Variants in FARP1 observed in about 807,000 individuals in gnomAD.
The protein encoded by FARP1 is FERM, ARHGEF and pleckstrin domain-containing protein 1.
A neutral mutation model predicts 128.8 loss-of-function variants in FARP1; 52 were observed. The ratio of observed to expected loss-of-function variants is 0.40; its 90% CI spans 0.32 to 0.51. The LOEUF (loss-of-function observed/expected upper bound fraction) is 0.51, where lower values mean the gene tolerates loss of function less well. Ranked by LOEUF, FARP1 falls within the 20% of genes least tolerant of loss-of-function variation. FARP1 has a pLI of 0.45. For synonymous variants in FARP1, 580 were observed against 551.8 expected (o/e 1.05, Z -0.72); for missense variants, 1,333 against 1,367.9 (o/e 0.97, Z 0.40).
chr13:98,310,883 G>A (rs1414406408), intron 2 of FARP1, among the ~76,000 whole-genome samples: 1 of 152,136 alleles, frequency 6.6e-6, no homozygotes, highest in Non-Finnish European at 1.5e-5. Flanking sequence ...CTTTGGAAAT[G>A]CAGGGTCAGA....
intron 2 of FARP1, among the ~76,000 whole-genome samples, chr13:98,231,159 C>T (rs1882089738): frequency 6.6e-6 from 1 of 152,134 alleles, no homozygotes; most frequent in Admixed American, 6.5e-5. Flanking sequence ...CAAATCATAT[C>T]AGCAGGGAAT....
rs549979587 is a variant in FARP1 at position 98,448,276 on chromosome 13, C to T, written c.3097C>T (p.Arg1033Ter). 1.4e-5 allele frequency: 23 copies of T among 1,614,084 alleles called. No individual in the cohort carries two copies. The highest frequency in any genetic ancestry group is 8.9e-5 in the East Asian group (4 of 44,884). The change falls in exon 27 of 27, where the codon CGA becomes TGA. Residue 1033 changes from arginine to a stop codon, truncating the protein, a stop_gained. Coordinates refer to ENST00000319562, the MANE Select transcript of FARP1 (RefSeq NM_005766.4). LOFTEE classifies it high-confidence loss of function. ...CCGCAGTGCCACCAGCTCTGCCTCG[C>T]GACCCCACGTGTTGAGTCACAAAGA... ...VIRSATSSAS[R>*]PHVLSHKESL...
At position 98,377,917 on chromosome 13, in the gene FARP1, A is replaced by G. The variant is rs1566933360; in HGVS notation, c.495A>G (p.Gln165=). ...SAALLISHIV[Q]SEIGDFDEAL... is the part of the protein sequence containing the mutation. Reference sequence around the variant, plus strand: ...CTCTCTTGATTTCACACATTGTGCAATGTAAGTTCTATTGGTTTCCTTTGA... The same window carrying G: ...CTCTCTTGATTTCACACATTGTGCAGTGTAAGTTCTATTGGTTTCCTTTGA... Residue 165 remains glutamine, a splice_region_variant and synonymous_variant, in exon 6 of 27, where the codon CAA becomes CAG. Transcript: ENST00000319562. 2 of 1,604,328 alleles carry G rather than the reference A, an allele frequency of 1.2e-6. No individual in the cohort carries two copies. The highest frequency in any genetic ancestry group is 1.7e-6 in the Non-Finnish European group (2 of 1,171,184).
intron 1 of FARP1, among the ~76,000 whole-genome samples, chr13:98,161,474 T>C (rs1184539188): frequency 1.3e-5 from 2 of 151,878 alleles, no homozygotes; most frequent in Non-Finnish European, 2.9e-5. Flanking sequence ...GCCTCGGCCT[T>C]CCAAAGTGCT....
At chr13:98,316,732 G>A (rs1333252351) in intron 2 of FARP1, among the ~76,000 whole-genome samples, 1 of 152,230 alleles carries the variant, frequency 6.6e-6, no homozygotes, top group African/African-American at 2.4e-5. Flanking sequence ...GTCATGGGGA[G>A]ATTTTGCCGA....
intron 2 of FARP1, among the ~76,000 whole-genome samples, chr13:98,273,165 T>C (rs571094753): frequency 6.6e-6 from 1 of 152,298 alleles, no homozygotes; most frequent in African/African-American, 2.4e-5. Context: ...CAGGGGCTTA[T>C]AGGTGGATTC....
chr13:98,280,442 C>T (rs1371960045), intron 2 of FARP1, among the ~76,000 whole-genome samples: 3 of 152,210 alleles, frequency 2.0e-5, no homozygotes, highest in Non-Finnish European at 4.4e-5. Context: ...ATGTCTTGGC[C>T]GAGAAGACCC....
At chr13:98,407,242 A>C (rs567546470) in intron 13 of FARP1, 3 of 152,686 alleles carry the variant, frequency 2.0e-5, no homozygotes, top group Admixed American at 2.0e-4. Flanking sequence ...CAACTCTCCA[A>C]CAGCAACTCA....
intron 2 of FARP1, among the ~76,000 whole-genome samples, chr13:98,239,396 G>T (rs572090831): frequency 3.3e-4 from 51 of 152,268 alleles, no homozygotes; most frequent in African/African-American, 1.2e-3. Context: ...AGCTCTTTGG[G>T]CCTGAGTTTC....
chr13:98,187,402 G>C lies in FARP1; in HGVS notation c.-23-25818G>C, dbSNP rs541721457. On this transcript the variant is annotated intron_variant, in intron 1 of 26. Coordinates refer to ENST00000319562, the MANE Select transcript of FARP1 (RefSeq NM_005766.4). ...TCAGAAGAGAAACACAAGATGCTTT[G>C]AGCTCCCAAATAGAGGGGAATGGAA... 2.0e-5 allele frequency among the ~76,000 whole-genome samples: 3 copies of C among 152,280 alleles called. No individual in the cohort carries two copies. The East Asian group carries it at 5.8e-4, about 29-fold the overall frequency.
chr13:98,263,989 C>A (rs1197411267), intron 2 of FARP1, among the ~76,000 whole-genome samples: 1 of 152,192 alleles, frequency 6.6e-6, no homozygotes, highest in African/African-American at 2.4e-5. Flanking sequence ...GCACAAATCA[C>A]CTTCCATTGT....
In FARP1 at chr13:98,379,066, AATATATGTAATATGTAATCTATATATAAT is replaced by A. The variant is rs1217935697; in HGVS notation, c.496+1155_496+1183del. 5.3e-4 allele frequency among the ~76,000 whole-genome samples: 43 copies of A among 81,244 alleles called. 10 individuals are homozygous for A. The South Asian group carries it at 0.014, about 26-fold the overall frequency. The allele number at this position is 81,244 out of a possible 152,430, so 53.3% of individuals were successfully genotyped here. A position where few individuals can be genotyped will look rare whatever the true frequency, so the allele number is the denominator to read the frequency against. On this transcript the variant is annotated intron_variant, in intron 6 of 26. Transcript: ENST00000319562. ...AATATGTAATCTATATATAATATAT[AATATATGTAATATGTAATCTATATATAAT>A]ATATATATAATATATAATCTATATA...
chr13:98,451,673 G>A lies in FARP1; in HGVS notation c.*3356G>A, dbSNP rs1893199009. ...TAACTTCCTTGCTTCCAAAAATCCTGTCTTAACTCCACAAGAACTGGCACA... is the reference window on the plus strand; with the variant it reads ...TAACTTCCTTGCTTCCAAAAATCCTATCTTAACTCCACAAGAACTGGCACA... On this transcript the variant is annotated 3_prime_UTR_variant, in exon 27 of 27. Transcript: ENST00000319562. The A allele has an allele frequency of 6.6e-6, 1 of 152,184 alleles. No homozygotes were observed. The highest frequency in any genetic ancestry group is 6.5e-5 in the Admixed American group (1 of 15,274). 9.4% of individuals were successfully genotyped at this position (152,184 alleles called of 1,614,324 possible).
chr13:98,285,927 G>A (rs1279641614), intron 2 of FARP1, among the ~76,000 whole-genome samples: 2 of 152,052 alleles, frequency 1.3e-5, no homozygotes, highest in African/African-American at 2.4e-5. Flanking sequence ...TTCCTGGCCC[G>A]TTTGGGGGTC....
intron 2 of FARP1, among the ~76,000 whole-genome samples, chr13:98,289,476 C>G (rs977851064): frequency 4.6e-5 from 7 of 152,158 alleles, no homozygotes; most frequent in African/African-American, 1.7e-4. Flanking sequence ...TTTATTTGAG[C>G]CATCCGCATG....
chr13:98,238,137 C>T (rs1206003414), intron 2 of FARP1, among the ~76,000 whole-genome samples: 1 of 152,186 alleles, frequency 6.6e-6, no homozygotes, highest in Admixed American at 6.5e-5. Context: ...ACAGGAGAAG[C>T]AGCTTCTCCC....
chr13:98,279,125 G>A lies in FARP1; in HGVS notation c.172-64637G>A, dbSNP rs143583450. 4.1e-3 allele frequency among the ~76,000 whole-genome samples: 624 copies of A among 152,080 alleles called. 2 individuals carry two copies. Among genetic ancestry groups the A allele is most frequent in the Non-Finnish European group, 5.7e-3 (391 of 68,006 alleles). ...GCTGGGATTACAGGCGTGAGCCAAC[G>A]TGCCCGGCCCATTTTAATGTTTTTT... On this transcript the variant is annotated intron_variant, in intron 2 of 26. Transcript: ENST00000319562.
intron 2 of FARP1, among the ~76,000 whole-genome samples, chr13:98,307,134 C>T (rs909291029): frequency 8.5e-5 from 13 of 152,156 alleles, no homozygotes; most frequent in African/African-American, 2.7e-4. Context: ...AGGCTTTAGT[C>T]TTGAGTTTCA....
At chr13:98,432,957 G>A (rs1892102207) in intron 18 of FARP1, 1 of 148,712 alleles carries the variant, frequency 6.7e-6, no homozygotes, top group African/African-American at 2.6e-5. Context: ...AGGGGGTGTT[G>A]GGGGGATCTC....
Sources: gnomAD v4.1 joint callset for allele counts (sites outside exome capture counted in the v4.1 genomes callset) on GRCh38, gnomAD v4.1.1 for gene constraint, MANE v1.5 for transcripts, NCBI Gene and HGNC (gene_info 2026-07-23, HGNC 2026-07-21) for gene names.